CERS6: variants seen among roughly 807,000 people sequenced by gnomAD.
The protein encoded by CERS6 is LAG1 homolog, ceramide synthase 6.
A neutral mutation model predicts 56.8 loss-of-function variants in CERS6; 26 were observed. The observed-to-expected ratio is 0.46, with a 90% CI of 0.34 to 0.63. The LOEUF (loss-of-function observed/expected upper bound fraction) is 0.63. Ranked by LOEUF, CERS6 falls within the 30% of genes least tolerant of loss-of-function variation. CERS6 has a pLI of 0.01. For missense variants in CERS6, 415 were observed against 467.5 expected (o/e 0.89, Z 1.04); for synonymous variants, 164 against 173.3 (o/e 0.95, Z 0.42).
intron 1 of CERS6, among the ~76,000 whole-genome samples, chr2:168,540,175 A>G (rs1286593460): frequency 2.0e-5 from 3 of 151,710 alleles, no homozygotes; most frequent in East Asian, 1.9e-4. Flanking sequence ...TTCCGCTTCC[A>G]GTATAGTCAT....
intron 8 of CERS6, among the ~76,000 whole-genome samples, chr2:168,721,982 C>T (rs1687357339): frequency 6.6e-6 from 1 of 152,160 alleles, no homozygotes; most frequent in African/African-American, 2.4e-5. Context: ...TATGAGAGTT[C>T]TACTTTCTCT....
chr2:168,648,564 G>C (rs572163822), intron 4 of CERS6, among the ~76,000 whole-genome samples: 1 of 152,166 alleles, frequency 6.6e-6, no homozygotes, highest in African/African-American at 2.4e-5. Context: ...TCTTCTGCTA[G>C]CTTTGGGGTT....
intron 8 of CERS6, among the ~76,000 whole-genome samples, chr2:168,727,426 G>A (rs902587987): frequency 9.2e-5 from 14 of 151,958 alleles, no homozygotes; most frequent in Non-Finnish European, 4.4e-5. Flanking sequence ...GCATGCGCCT[G>A]TAGTCCCAGC....
At chr2:168,619,031 A>G (rs536135577) in intron 3 of CERS6, among the ~76,000 whole-genome samples, 2 of 152,354 alleles carry the variant, frequency 1.3e-5, no homozygotes, top group African/African-American at 4.8e-5. Flanking sequence ...GACCAATGGA[A>G]CAGAACAGAG....
rs139934572 is a variant in CERS6 at position 168,535,441 on chromosome 2, G to C, written c.171-12155G>C. On this transcript the variant is annotated intron_variant, in intron 1 of 9. Coordinates refer to ENST00000305747, the MANE Select transcript of CERS6 (RefSeq NM_203463.3). ...GTTCACTTACTGCTTCCCTTGGTTG[G>C]GGGGAGAGGGTTCTCCTGGCTCTCA... Among the ~76,000 whole-genome samples, 24 of 152,164 alleles carry C rather than the reference G, an allele frequency of 1.6e-4. No homozygotes were observed. In the East Asian group the frequency reaches 2.9e-3, roughly 18 times the overall value.
rs1306397826 is a variant in CERS6, at chr2:168,482,151, C to T, written c.170+25533C>T. Reference sequence around the variant, plus strand: ...AATTAAATGAGGTTTTAAATTTGGACTTGGATGAATCTTGAATGATGATGG... The same window carrying T: ...AATTAAATGAGGTTTTAAATTTGGATTTGGATGAATCTTGAATGATGATGG... On this transcript the variant is annotated intron_variant, in intron 1 of 9. Coordinates refer to ENST00000305747, the MANE Select transcript of CERS6 (RefSeq NM_203463.3). Among the ~76,000 whole-genome samples the T allele has an allele frequency of 3.3e-5, 5 of 152,258 alleles. No homozygotes were observed. The East Asian group carries it at 9.6e-4, about 29-fold the overall frequency.
chr2:168,484,577 A>G (rs547701748), intron 1 of CERS6, among the ~76,000 whole-genome samples: 2 of 152,214 alleles, frequency 1.3e-5, no homozygotes, highest in South Asian at 4.1e-4. Flanking sequence ...ACACATAATC[A>G]TTAAGTGTCC....
intron 3 of CERS6, among the ~76,000 whole-genome samples, chr2:168,615,134 G>A (rs1167951153): frequency 6.6e-6 from 1 of 152,034 alleles, no homozygotes; most frequent in Non-Finnish European, 1.5e-5. Flanking sequence ...ACTACAACTT[G>A]GCTCTCAGGA....
At position 168,631,006 on chromosome 2, in the gene CERS6, T is replaced by G; in HGVS notation, c.429T>G (p.Leu143=). 6.5e-7 allele frequency: 1 copy of G among 1,534,036 alleles called. No homozygotes were observed. Among genetic ancestry groups the G allele is most frequent in the East Asian group, 2.4e-5 (1 of 42,344 alleles). Residue 143 remains leucine, a synonymous_variant, in exon 4 of 10, where the codon CTT becomes CTG. Coordinates refer to ENST00000305747, the MANE Select transcript of CERS6 (RefSeq NM_203463.3). The part of the protein sequence containing the change: ...CESMWRFSFY[L]YVFTYGVRFL... ...ACAGGTGGAGATTTTCATTTTACCT[T>G]TATGTATTTACCTACGGAGTCAGAT...
chr2:168,611,589 T>C (rs986116083), intron 3 of CERS6, among the ~76,000 whole-genome samples: 1 of 152,258 alleles, frequency 6.6e-6, no homozygotes. Flanking sequence ...TCATGTCTTA[T>C]TTATAACACC....
intron 1 of CERS6, among the ~76,000 whole-genome samples, chr2:168,458,027 G>A (rs182840731): frequency 3.3e-5 from 5 of 152,254 alleles, no homozygotes; most frequent in Admixed American, 2.6e-4. Context: ...AAAAGTCACA[G>A]CAGTGCTGTG....
intron 6 of CERS6, among the ~76,000 whole-genome samples, chr2:168,708,313 TTC>T (rs1184542532): frequency 1.3e-5 from 2 of 152,294 alleles, no homozygotes; most frequent in East Asian, 1.9e-4. Context: ...ACCGCCAGCA[TTC>T]TGAGTTTTAT....
At chr2:168,760,647 A>C (rs1684545969) in intron 8 of CERS6, among the ~76,000 whole-genome samples, 1 of 152,188 alleles carries the variant, frequency 6.6e-6, no homozygotes, top group Non-Finnish European at 1.5e-5. Flanking sequence ...TTCTATAGTC[A>C]CCATTTTAAT....
chr2:168,507,089 C>G (rs1002178674), intron 1 of CERS6, among the ~76,000 whole-genome samples: 3 of 152,068 alleles, frequency 2.0e-5, no homozygotes, highest in Admixed American at 2.0e-4. Flanking sequence ...TGCTCCTTAA[C>G]CTTATGAGAG....
At chr2:168,520,444 C>G (rs1364681483) in intron 1 of CERS6, among the ~76,000 whole-genome samples, 7 of 151,800 alleles carry the variant, frequency 4.6e-5, no homozygotes, top group Admixed American at 4.6e-4. Context: ...TTAGATCCCA[C>G]TTGTCAATTT....
chr2:168,542,497 C>A (rs1695390426), intron 1 of CERS6, among the ~76,000 whole-genome samples: 1 of 152,192 alleles, frequency 6.6e-6, no homozygotes, highest in East Asian at 1.9e-4. Flanking sequence ...ACCATCACAG[C>A]ATCCCAACTA....
chr2:168,555,160 G>A (rs1297520804), intron 2 of CERS6, among the ~76,000 whole-genome samples: 3 of 151,946 alleles, frequency 2.0e-5, no homozygotes, highest in Non-Finnish European at 4.4e-5. Flanking sequence ...AATTGATGCT[G>A]TATTATGTTA....
intron 1 of CERS6, among the ~76,000 whole-genome samples, chr2:168,459,814 T>A (rs987207349): frequency 2.6e-5 from 4 of 152,244 alleles, no homozygotes. Context: ...TCAGGAACTA[T>A]AATAAATGCT....
At chr2:168,530,629 G>A (rs1695149810) in intron 1 of CERS6, among the ~76,000 whole-genome samples, 1 of 152,144 alleles carries the variant, frequency 6.6e-6, no homozygotes, top group African/African-American at 2.4e-5. Flanking sequence ...GCTAGATTCT[G>A]TGTTTCTTTA....
Sources: allele counts gnomAD v4.1 joint callset (sites outside exome capture counted in the v4.1 genomes callset), GRCh38; gene constraint gnomAD v4.1.1; transcripts MANE v1.5; gene names NCBI Gene and HGNC (gene_info 2026-07-23, HGNC 2026-07-21).